GSE1: variants seen among roughly 807,000 people sequenced by gnomAD.
The protein encoded by GSE1 is genetic suppressor element 1.
In GSE1, 32 loss-of-function variants were observed where a neutral mutation model predicts 112.6. The observed-to-expected ratio is 0.28, with a 90% CI of 0.21 to 0.38. GSE1 has a LOEUF of 0.38. GSE1 is among the 10% of genes least tolerant of loss of function. The pLI is 1.00. For missense variants in GSE1, 2,348 were observed against 1,699.2 expected, an observed-to-expected ratio of 1.38 and a Z score of -6.71; for synonymous variants, 1,115 against 735.6, an observed-to-expected ratio of 1.52 and a Z score of -8.35.
intron 2 of GSE1, among the ~76,000 whole-genome samples, chr16:85,467,753 C>T (rs1406433445): frequency 6.6e-6 from 1 of 152,190 alleles, no homozygotes; most frequent in Non-Finnish European, 1.5e-5. Flanking sequence ...GGGGAAGGTA[C>T]GGAGATACCC....
chr16:85,542,227 GGCGGGGAGCAGGCTGC>G, intron 2 of GSE1, among the ~76,000 whole-genome samples: 1 of 152,360 alleles, frequency 6.6e-6, no homozygotes, highest in East Asian at 1.9e-4. Flanking sequence ...AGCAGGCGAA[GGCGGGGAGCAGGCTGC>G]ACAGGGCAGC....
intron 9 of GSE1, 112 bp downstream of exon 9, chr16:85,661,877 G>A (rs2052463540): frequency 1.8e-6 from 2 of 1,099,650 alleles, no homozygotes; most frequent in South Asian, 1.7e-5. Context: ...TTTGCCTGGG[G>A]TAGTCCCAGG....
At chr16:85,174,540 C>T (rs1175822181) in intron 1 of GSE1, among the ~76,000 whole-genome samples, 1 of 152,234 alleles carries the variant, frequency 6.6e-6, no homozygotes, top group Non-Finnish European at 1.5e-5. Context: ...CCCCTCCTTC[C>T]CATTCATTCA....
intron 2 of GSE1, among the ~76,000 whole-genome samples, chr16:85,360,873 A>T (rs763926367): frequency 6.6e-6 from 1 of 151,888 alleles, no homozygotes; most frequent in Non-Finnish European, 1.5e-5. Context: ...ACACCTGCAT[A>T]GATTTTTCCC....
intron 1 of GSE1, among the ~76,000 whole-genome samples, chr16:85,235,750 GC>G (rs1251912253): frequency 6.6e-6 from 1 of 151,774 alleles, no homozygotes; most frequent in African/African-American, 2.4e-5. Flanking sequence ...TGGGGGGCCC[GC>G]CCGCCCCAGG....
At chr16:85,252,453 C>T (rs1368252472) in intron 1 of GSE1, among the ~76,000 whole-genome samples, 6 of 150,310 alleles carry the variant, frequency 4.0e-5, no homozygotes, top group African/African-American at 1.5e-4. Context: ...TTAAGGGGGA[C>T]AACCCCCGGT....
intron 2 of GSE1, among the ~76,000 whole-genome samples, chr16:85,361,640 G>C (rs2151580493): frequency 6.6e-6 from 1 of 152,340 alleles, no homozygotes; most frequent in South Asian, 2.1e-4. Flanking sequence ...GTCCGTTTCT[G>C]ACCCCCACTT....
chr16:85,258,785 C>T (rs369856103), intron 1 of GSE1, among the ~76,000 whole-genome samples: 2 of 152,322 alleles, frequency 1.3e-5, no homozygotes, highest in Admixed American at 6.5e-5. Context: ...GTCAGGCCCG[C>T]GAAGGGAGCT....
At chr16:85,631,864 G>A (rs1226286620) in intron 1 of GSE1, among the ~76,000 whole-genome samples, 3 of 152,266 alleles carry the variant, frequency 2.0e-5, no homozygotes, top group African/African-American at 4.8e-5. Context: ...CGTTTTCATC[G>A]CCTCCAATGG....
chr16:85,491,071 G>T (rs1295127087), intron 2 of GSE1, among the ~76,000 whole-genome samples: 1 of 152,196 alleles, frequency 6.6e-6, no homozygotes, highest in East Asian at 1.9e-4. Flanking sequence ...GGTCCTGCAG[G>T]CGCCGGGGGA....
intron 2 of GSE1, among the ~76,000 whole-genome samples, chr16:85,416,433 G>A (rs2048703728): frequency 6.6e-6 from 1 of 152,136 alleles, no homozygotes; most frequent in African/African-American, 2.4e-5. Context: ...TGGGTTCAGA[G>A]CGGCTCCTCC....
intron 1 of GSE1, among the ~76,000 whole-genome samples, chr16:85,323,518 C>T (rs897776983): frequency 2.0e-5 from 3 of 152,026 alleles, no homozygotes; most frequent in Admixed American, 6.5e-5. Flanking sequence ...GAGGAGGGGG[C>T]GAGTTGCCAG....
intron 2 of GSE1, among the ~76,000 whole-genome samples, chr16:85,646,459 C>G (rs1346254903): frequency 1.3e-5 from 2 of 152,238 alleles, no homozygotes; most frequent in South Asian, 2.1e-4. Context: ...TGTGCCTGCT[C>G]CTGCTGGAAC....
At chr16:85,666,754 G>A (rs12149202) in intron 13 of GSE1, 46,544 of 214,096 alleles carry the variant, frequency 0.22, 5,820 homozygotes, top group Middle Eastern at 0.29. Context: ...GCAGATGGCC[G>A]CCAGTCCTCA....
At chr16:85,287,905 C>T (rs1185147335) in intron 1 of GSE1, among the ~76,000 whole-genome samples, 7 of 152,110 alleles carry the variant, frequency 4.6e-5, no homozygotes, top group Admixed American at 3.3e-4. Context: ...ACAGTAGGCA[C>T]GGAAGTATTT....
intron 2 of GSE1, among the ~76,000 whole-genome samples, chr16:85,516,138 G>A (rs1056003462): frequency 1.3e-5 from 2 of 152,150 alleles, no homozygotes; most frequent in Non-Finnish European, 1.5e-5. Flanking sequence ...TCCCTGCTGG[G>A]GACAGATTGT....
chr16:85,332,413 A>G (rs1234498269), intron 1 of GSE1, among the ~76,000 whole-genome samples: 1 of 152,158 alleles, frequency 6.6e-6, no homozygotes, highest in African/African-American at 2.4e-5. Context: ...CAGCAACCCT[A>G]CGAAGTCAGG....
At chr16:85,542,718 G>T (rs2044564757) in intron 2 of GSE1, among the ~76,000 whole-genome samples, 4 of 152,198 alleles carry the variant, frequency 2.6e-5, no homozygotes, top group African/African-American at 7.2e-5. Flanking sequence ...AAGCCCGGGG[G>T]ACTGTCCACA....
chr16:85,659,526 A>C (rs1326602741), intron 8 of GSE1: 3 of 152,282 alleles, frequency 2.0e-5, no homozygotes, highest in Non-Finnish European at 2.9e-5. Flanking sequence ...ACCTCCTGGG[A>C]GCGGGGGACC....
Sources: gnomAD v4.1 joint callset for allele counts (sites outside exome capture counted in the v4.1 genomes callset) on GRCh38, gnomAD v4.1.1 for gene constraint, MANE v1.5 for transcripts, NCBI Gene and HGNC (gene_info 2026-07-23, HGNC 2026-07-21) for gene names.